RAPGEF2: variants seen among roughly 807,000 people sequenced by gnomAD.
RAPGEF2 encodes the protein PDZ domain containing guanine nucleotide exchange factor (GEF) 1.
Under a neutral mutation model 186.7 loss-of-function variants are expected in RAPGEF2, and 54 were observed. The ratio of observed to expected loss-of-function variants is 0.29; its 90% confidence interval spans 0.23 to 0.36. RAPGEF2 has a LOEUF of 0.36. RAPGEF2 is among the 10% of genes least tolerant of loss of function. The pLI, the probability that RAPGEF2 is intolerant of heterozygous loss-of-function variation, is 1.00. For missense variants in RAPGEF2, 1,532 were observed against 2,045.0 expected, an observed-to-expected ratio of 0.75 and a Z score of 4.84; for synonymous variants, 712 against 705.9, an observed-to-expected ratio of 1.01 and a Z score of -0.14.
intron 4 of RAPGEF2, among the ~76,000 whole-genome samples, chr4:159,215,513 CAG>C (rs1423996514): frequency 6.6e-6 from 1 of 152,196 alleles, no homozygotes; most frequent in Non-Finnish European, 1.5e-5. Flanking sequence ...CATTGTTATA[CAG>C]AGAAACTCTT....
intron 1 of RAPGEF2, among the ~76,000 whole-genome samples, chr4:159,147,616 C>T: frequency 6.6e-6 from 1 of 152,042 alleles, no homozygotes; most frequent in East Asian, 1.9e-4. Context: ...TTTAGTTGCT[C>T]CTGAAGATAT....
chr4:159,158,083 T>A (rs771977276), intron 1 of RAPGEF2, among the ~76,000 whole-genome samples: 9 of 152,226 alleles, frequency 5.9e-5, no homozygotes, highest in Non-Finnish European at 1.2e-4. Flanking sequence ...TAGAAGTTTA[T>A]AATATTTTCT....
At chr4:159,219,648 C>T (rs184154516) in intron 4 of RAPGEF2, among the ~76,000 whole-genome samples, 385 of 152,232 alleles carry the variant, frequency 2.5e-3, no homozygotes, top group African/African-American at 8.4e-3. Flanking sequence ...AGCCACCACG[C>T]GCAGCCATAA....
chr4:159,208,331 T>C (rs1750175695), intron 3 of RAPGEF2, among the ~76,000 whole-genome samples: 1 of 152,254 alleles, frequency 6.6e-6, no homozygotes, highest in Non-Finnish European at 1.5e-5. Flanking sequence ...CAGAAATTGC[T>C]GAAGACTCCC....
At chr4:159,154,819 T>C (rs1217561874) in intron 1 of RAPGEF2, among the ~76,000 whole-genome samples, 1 of 152,174 alleles carries the variant, frequency 6.6e-6, no homozygotes, top group Non-Finnish European at 1.5e-5. Flanking sequence ...ACTATACTGC[T>C]TCTTATGAAT....
Position 159,359,113 on chromosome 4 carries a change from A to G in RAPGEF2, c.*974A>G, listed in dbSNP as rs1237575040. 1.3e-5 allele frequency: 2 copies of G among 151,024 alleles called. No homozygotes were observed. Among genetic ancestry groups the G allele is most frequent in the Admixed American group, 1.3e-4 (2 of 15,114 alleles). 9.4% of individuals were successfully genotyped at this position (151,024 alleles called of 1,614,324 possible). ...CCCATTTTTAAGTTATATTTCTTTG[A>G]TTTTTGTTAATTTAGAGGTGTAGGT... On this transcript the variant is annotated 3_prime_UTR_variant, in exon 30 of 30. Transcript: ENST00000691494.
At chr4:159,246,166 A>G (rs1754609621) in intron 7 of RAPGEF2, among the ~76,000 whole-genome samples, 1 of 152,306 alleles carries the variant, frequency 6.6e-6, no homozygotes, top group East Asian at 1.9e-4. Context: ...GTGTGAATAT[A>G]CACTGCAGAG....
intron 7 of RAPGEF2, among the ~76,000 whole-genome samples, chr4:159,249,562 A>G (rs982772638): frequency 6.6e-6 from 1 of 151,938 alleles, no homozygotes; most frequent in Non-Finnish European, 1.5e-5. Context: ...TCACTTGTGA[A>G]AGAAAATATT....
At chr4:159,292,823 C>T (rs1761415757) in intron 7 of RAPGEF2, among the ~76,000 whole-genome samples, 1 of 152,066 alleles carries the variant, frequency 6.6e-6, no homozygotes, top group South Asian at 2.1e-4. Context: ...ATATTTGTGT[C>T]TTGATATTTG....
chr4:159,295,760 C>CGT (rs1761924346), intron 7 of RAPGEF2, among the ~76,000 whole-genome samples: 4 of 117,390 alleles, frequency 3.4e-5, no homozygotes, highest in South Asian at 2.3e-4. Flanking sequence ...TGTGTGCGCG[C>CGT]GCGCGCGCGC....
At chr4:159,332,122 G>A (rs189744028) in intron 16 of RAPGEF2, 88 bp downstream of exon 16, 1 of 852,014 alleles carries the variant, frequency 1.2e-6, no homozygotes, top group East Asian at 2.7e-5. Flanking sequence ...TATGGTAAAA[G>A]CATAGATTAG....
chr4:159,293,976 T>C (rs1429588792), intron 7 of RAPGEF2, among the ~76,000 whole-genome samples: 1 of 152,192 alleles, frequency 6.6e-6, no homozygotes, highest in Non-Finnish European at 1.5e-5. Flanking sequence ...AATTGGCACT[T>C]ACGTAACCGG....
At chr4:159,336,985 A>G (rs923081794) in intron 17 of RAPGEF2, among the ~76,000 whole-genome samples, 2 of 152,140 alleles carry the variant, frequency 1.3e-5, no homozygotes, top group African/African-American at 4.8e-5. Context: ...GTGTTTGCTT[A>G]TTGCTTTATT....
intron 7 of RAPGEF2, among the ~76,000 whole-genome samples, chr4:159,297,336 G>C (rs770502662): frequency 6.6e-6 from 1 of 152,116 alleles, no homozygotes; most frequent in African/African-American, 2.4e-5. Flanking sequence ...AAGCTTTGTG[G>C]TTTTACCATA....
chr4:159,135,879 G>A (rs528400540), intron 1 of RAPGEF2, among the ~76,000 whole-genome samples: 1 of 152,326 alleles, frequency 6.6e-6, no homozygotes, highest in South Asian at 2.1e-4. Flanking sequence ...GATTACAGGC[G>A]TGAGCCACTG....
At chr4:159,123,802 G>A (rs939055301) in intron 1 of RAPGEF2, among the ~76,000 whole-genome samples, 1 of 151,918 alleles carries the variant, frequency 6.6e-6, no homozygotes, top group Non-Finnish European at 1.5e-5. Flanking sequence ...ACAGGTGTGA[G>A]CCACCTCGCC....
chr4:159,160,137 C>T (rs149766862), intron 1 of RAPGEF2, among the ~76,000 whole-genome samples: 177 of 152,250 alleles, frequency 1.2e-3, no homozygotes, highest in Middle Eastern at 3.4e-3. Context: ...TAGTCTGTTA[C>T]GTATACTATA....
chr4:159,286,424 G>A (rs1760505729), intron 7 of RAPGEF2, among the ~76,000 whole-genome samples: 1 of 151,932 alleles, frequency 6.6e-6, no homozygotes, highest in Non-Finnish European at 1.5e-5. Context: ...TTTCTCATCT[G>A]CCCTTCTTCT....
At chr4:159,297,192 A>G (rs1223839662) in intron 7 of RAPGEF2, among the ~76,000 whole-genome samples, 1 of 152,140 alleles carries the variant, frequency 6.6e-6, no homozygotes, top group Non-Finnish European at 1.5e-5. Context: ...CTAAAACATT[A>G]TCATAATATA....
Sources: gnomAD v4.1 joint callset for allele counts (sites outside exome capture counted in the v4.1 genomes callset) on GRCh38, gnomAD v4.1.1 for gene constraint, MANE v1.5 for transcripts, NCBI Gene and HGNC (gene_info 2026-07-23, HGNC 2026-07-21) for gene names.